CYYR1: variants seen among roughly 807,000 people sequenced by gnomAD.
CYYR1 encodes cysteine and tyrosine rich 1, also known as cysteine and tyrosine-rich protein 1.
A neutral mutation model predicts 15.2 loss-of-function variants in CYYR1; 14 were observed. The ratio of observed to expected loss-of-function variants is 0.92; its 90% CI spans 0.61 to 1.44. The LOEUF (loss-of-function observed/expected upper bound fraction) is 1.44, where lower values mean the gene tolerates loss of function less well. Ranked by LOEUF, CYYR1 falls within the 40% of genes most tolerant of loss-of-function variation. The pLI is 0.00. For missense variants in CYYR1, 228 were observed against 209.5 expected (o/e 1.09, Z -0.54); for synonymous variants, 80 against 77.4 (o/e 1.03, Z -0.18).
At chr21:26,540,497 T>C (rs975577573) in intron 2 of CYYR1, among the ~76,000 whole-genome samples, 17 of 151,870 alleles carry the variant, frequency 1.1e-4, no homozygotes, top group African/African-American at 4.1e-4. Context: ...CTATACAGGG[T>C]AGAGCATCAC....
chr21:26,548,467 C>A (rs1291634189), intron 2 of CYYR1, among the ~76,000 whole-genome samples: 1 of 152,226 alleles, frequency 6.6e-6, no homozygotes, highest in African/African-American at 2.4e-5. Flanking sequence ...CTGTCTCAGC[C>A]TCCTGAGTAG....
intron 2 of CYYR1, among the ~76,000 whole-genome samples, chr21:26,488,222 A>C (rs985562732): frequency 4.0e-5 from 6 of 149,530 alleles, no homozygotes; most frequent in Non-Finnish European, 7.5e-5. Flanking sequence ...GACTAAAATA[A>C]AGACTACATC....
At chr21:26,489,981 T>A (rs370208196) in intron 2 of CYYR1, among the ~76,000 whole-genome samples, 12 of 152,206 alleles carry the variant, frequency 7.9e-5, no homozygotes, top group African/African-American at 2.6e-4. Flanking sequence ...TACCACTAGA[T>A]AGCGACATTC....
At chr21:26,568,036 G>A (rs148160284) in intron 1 of CYYR1, 1 of 152,356 alleles carries the variant, frequency 6.6e-6, no homozygotes, top group Admixed American at 6.5e-5. Context: ...ACCTTTGTGA[G>A]ATTCAGTAAG....
intron 2 of CYYR1, among the ~76,000 whole-genome samples, chr21:26,520,855 CA>C (rs565220345): frequency 6.0e-4 from 92 of 152,200 alleles, no homozygotes; most frequent in African/African-American, 2.2e-3. Context: ...ATGCAACCAA[CA>C]AACATATGAG....
Position 26,573,098 on chromosome 21 carries a change from C to T in CYYR1, c.-158G>A, listed in dbSNP as rs1246892759. 3 of 1,521,650 alleles carry T rather than the reference C, an allele frequency of 2.0e-6. No individual in the cohort carries two copies. In the African/African-American group the frequency reaches 4.2e-5, roughly 21 times the overall value. 94.3% of individuals were successfully genotyped at this position (1,521,650 alleles called of 1,614,324 possible). A position where few individuals can be genotyped will look rare whatever the true frequency, so the allele number is the denominator to read the frequency against. Reference sequence around the variant, plus strand: ...AGGGAGCCTTCCAAGGGAGCCCGGGCCGGGCGCGTCCCGGGCCAGCGACTG... The same window carrying T: ...AGGGAGCCTTCCAAGGGAGCCCGGGTCGGGCGCGTCCCGGGCCAGCGACTG... On this transcript the variant is annotated 5_prime_UTR_variant, in exon 1 of 4. Transcript: ENST00000652641.
chr21:26,560,127 T>C (rs1257282547), intron 2 of CYYR1, among the ~76,000 whole-genome samples: 1 of 152,194 alleles, frequency 6.6e-6, no homozygotes, highest in African/African-American at 2.4e-5. Flanking sequence ...TCCCTTGTAA[T>C]TTTTACATGG....
chr21:26,549,643 T>A (rs1413682206), intron 2 of CYYR1, among the ~76,000 whole-genome samples: 1 of 152,182 alleles, frequency 6.6e-6, no homozygotes, highest in Non-Finnish European at 1.5e-5. Flanking sequence ...TTTGATGCAC[T>A]ACAGAAAAGT....
chr21:26,514,035 C>G (rs919684786), intron 2 of CYYR1, among the ~76,000 whole-genome samples: 1 of 148,764 alleles, frequency 6.7e-6, no homozygotes, highest in Non-Finnish European at 1.5e-5. Context: ...GCACGTTGTG[C>G]ACATGTACCC....
chr21:26,537,130 G>A (rs868704002), intron 2 of CYYR1, among the ~76,000 whole-genome samples: 2 of 152,138 alleles, frequency 1.3e-5, no homozygotes, highest in South Asian at 2.1e-4. Context: ...TTAATTAACT[G>A]AGGAGCATAG....
At chr21:26,485,335 C>T (rs1787409795) in intron 2 of CYYR1, among the ~76,000 whole-genome samples, 1 of 152,034 alleles carries the variant, frequency 6.6e-6, no homozygotes, top group African/African-American at 2.4e-5. Flanking sequence ...ATTGACATTA[C>T]TATAAGGTGT....
At position 26,467,397 on chromosome 21, in the gene CYYR1, C is replaced by G. The variant is rs553320426; in HGVS notation, c.*1104G>C. 6.6e-6 allele frequency: 1 copy of G among 151,966 alleles called. No individual in the cohort carries two copies. 9.4% of individuals were successfully genotyped at this position (151,966 alleles called of 1,614,324 possible). A position where few individuals can be genotyped will look rare whatever the true frequency, so the allele number is the denominator to read the frequency against. On this transcript the variant is annotated 3_prime_UTR_variant, in exon 4 of 4. Transcript: ENST00000652641. ...TGTGTCATTAACTTTTTTAAGAGAA[C>G]AGATTATCAAAATTTTACGAAGAAG...
Position 26,468,350 on chromosome 21 carries a change from C to G in CYYR1, c.*151G>C. 1 of 695,062 alleles carries G rather than the reference C, an allele frequency of 1.4e-6. No homozygotes were observed. The highest frequency in any genetic ancestry group is 2.6e-6 in the Non-Finnish European group (1 of 380,948). The allele number at this position is 695,062 out of a possible 1,614,324, so 43.1% of individuals were successfully genotyped here. A position where few individuals can be genotyped will look rare whatever the true frequency, so the allele number is the denominator to read the frequency against. On this transcript the variant is annotated 3_prime_UTR_variant, in exon 4 of 4. Transcript: ENST00000652641. The stretch of plus-strand genomic sequence containing the variant: ...GTCAGCTTTGAGCAGAGTAGAAATC[C>G]TATATCTCCTAGCAGGGATATTCCA...
chr21:26,501,723 G>A (rs2065484108), intron 2 of CYYR1, among the ~76,000 whole-genome samples: 1 of 152,092 alleles, frequency 6.6e-6, no homozygotes, highest in African/African-American at 2.4e-5. Context: ...TTATCTCGAT[G>A]GAAGGATTCC....
At chr21:26,507,642 T>C (rs2065587062) in intron 2 of CYYR1, among the ~76,000 whole-genome samples, 1 of 152,208 alleles carries the variant, frequency 6.6e-6, no homozygotes, top group East Asian at 1.9e-4. Flanking sequence ...TAAATCAATC[T>C]GGGGTGATAA....
At chr21:26,548,235 A>C (rs558597089) in intron 2 of CYYR1, among the ~76,000 whole-genome samples, 29 of 152,376 alleles carry the variant, frequency 1.9e-4, no homozygotes, top group African/African-American at 6.5e-4. Flanking sequence ...AGTCTACATA[A>C]GTGTGAAGAA....
Position 26,508,058 on chromosome 21 carries a change from A to T in CYYR1, c.177-27629T>A, listed in dbSNP as rs543771092. Reference sequence around the variant, plus strand: ...AAGGTGAGATCAAGGAAGACTATAAATGAGACAATGTATAAACAGAGGCTG... The same window carrying T: ...AAGGTGAGATCAAGGAAGACTATAATTGAGACAATGTATAAACAGAGGCTG... On this transcript the variant is annotated intron_variant, in intron 2 of 3. Coordinates refer to ENST00000652641, the MANE Select transcript of CYYR1 (RefSeq NM_001320768.2). Among the ~76,000 whole-genome samples the T allele has an allele frequency of 9.2e-5, 14 of 152,332 alleles. No individual in the cohort carries two copies. In the East Asian group the frequency reaches 2.7e-3, roughly 29 times the overall value.
intron 2 of CYYR1, among the ~76,000 whole-genome samples, chr21:26,501,769 C>G (rs1410173984): frequency 6.6e-6 from 1 of 152,120 alleles, no homozygotes; most frequent in African/African-American, 2.4e-5. Context: ...ACAAGTAATA[C>G]CCACTTATCT....
intron 2 of CYYR1, among the ~76,000 whole-genome samples, chr21:26,485,422 C>T (rs1165789406): frequency 6.6e-6 from 1 of 152,034 alleles, no homozygotes; most frequent in Non-Finnish European, 1.5e-5. Flanking sequence ...AAAACTATTC[C>T]ATCATCACAA....
Sources: gnomAD v4.1 joint callset for allele counts (sites outside exome capture counted in the v4.1 genomes callset) on GRCh38, gnomAD v4.1.1 for gene constraint, MANE v1.5 for transcripts, NCBI Gene and HGNC (gene_info 2026-07-23, HGNC 2026-07-21) for gene names.